VWA5A: variants seen among roughly 807,000 people sequenced by gnomAD.
The protein encoded by VWA5A is von Willebrand factor A domain containing 5A, also known as von Willebrand factor A domain-containing protein 5A.
In VWA5A, 77 loss-of-function variants were observed where a neutral mutation model predicts 84.6. That is an observed-to-expected ratio of 0.91 (90% CI 0.76 to 1.10). The LOEUF (loss-of-function observed/expected upper bound fraction) is 1.10, where lower values mean the gene tolerates loss of function less well. Among genes scored for constraint, VWA5A ranks in the 50% least tolerant of loss-of-function variants. The probability of loss-of-function intolerance (pLI) is 0.00; values close to 1 mark genes in which losing one functional copy is unlikely to be tolerated. For missense variants in VWA5A, 973 were observed against 963.0 expected, an observed-to-expected ratio of 1.01 and a Z score of -0.14; for synonymous variants, 334 against 350.1, an observed-to-expected ratio of 0.95 and a Z score of 0.51.
intron 6 of VWA5A, 22 bp from the exon 7 acceptor site, chr11:124,118,953 C>T (rs1355097656): frequency 2.5e-6 from 4 of 1,610,188 alleles, no homozygotes; most frequent in South Asian, 1.1e-5. Flanking sequence ...TAATGTGGCT[C>T]CTTTACCTGT....
At chr11:124,118,156 T>G in intron 4 of VWA5A, 33 bp from the exon 5 acceptor site, 1 of 1,600,550 alleles carries the variant, frequency 6.2e-7, no homozygotes, top group South Asian at 1.1e-5. Context: ...GGATGTTCCC[T>G]TTCTTTCCCA....
At chr11:124,136,011 T>C in intron 12 of VWA5A, 118 bp from the exon 13 acceptor site, 2 of 1,146,156 alleles carry the variant, frequency 1.7e-6, no homozygotes, top group Non-Finnish European at 2.5e-6. Flanking sequence ...AGAATAGTAT[T>C]GAGGAGTAGG....
At chr11:124,135,569 C>T (rs1221795936) in intron 12 of VWA5A, among the ~76,000 whole-genome samples, 3 of 114,620 alleles carry the variant, frequency 2.6e-5, no homozygotes, top group Non-Finnish European at 4.9e-5. Context: ...CTCGCTCTGT[C>T]GCCCAGGCTG....
chr11:124,124,202 C>A (rs1371440360), intron 10 of VWA5A, 35 bp from the exon 11 acceptor site: 2 of 1,601,334 alleles, frequency 1.2e-6, no homozygotes, highest in Non-Finnish European at 1.7e-6. Flanking sequence ...AAGAACTTGA[C>A]AAAGACCTGA....
rs1860754005 is a variant in VWA5A at position 124,142,698 on chromosome 11, A to G, written c.2154+126A>G. Reference sequence around the variant, plus strand: ...GGGTCATAGACTAAATTAATTTGTAATAAATAGAGGCTGAAGGTTTTTCCA... The same window carrying G: ...GGGTCATAGACTAAATTAATTTGTAGTAAATAGAGGCTGAAGGTTTTTCCA... On this transcript the variant is annotated intron_variant, in intron 17 of 18. Transcript: ENST00000456829. 3.1e-6 allele frequency: 4 copies of G among 1,280,516 alleles called. No individual in the cohort carries two copies. In the African/African-American group the frequency reaches 4.5e-5, roughly 14 times the overall value. 79.3% of individuals were successfully genotyped at this position (1,280,516 alleles called of 1,614,324 possible). A position where few individuals can be genotyped will look rare whatever the true frequency, so the allele number is the denominator to read the frequency against.
chr11:124,128,087 C>T (rs187289142), intron 11 of VWA5A, among the ~76,000 whole-genome samples: 12 of 152,224 alleles, frequency 7.9e-5, no homozygotes, highest in African/African-American at 2.4e-4. Context: ...AGTATTTGCC[C>T]ATGCCTATGT....
At position 124,123,804 on chromosome 11, in the gene VWA5A, G is replaced by C; in HGVS notation, c.1164G>C (p.Gln388His). ...RGPSIPGHPL[Q>H]LFVFTDGEVT... ...CCTCCATCCCAGGCCACCCCCTACA[G>C]GTAAGAAGTGGAACAGAGCTAACAG... Residue 388 changes from glutamine to histidine, a missense_variant and splice_region_variant, in exon 10 of 19, where the codon CAG becomes CAC. Gln to His is a conservative substitution (Grantham distance 24, BLOSUM62 0). Transcript: ENST00000456829. 2 of 1,561,616 alleles carry C rather than the reference G, an allele frequency of 1.3e-6. No homozygotes were observed. The highest frequency in any genetic ancestry group is 1.7e-6 in the Non-Finnish European group (2 of 1,160,010).
intron 11 of VWA5A, among the ~76,000 whole-genome samples, chr11:124,131,333 C>T (rs1171685238): frequency 1.3e-5 from 2 of 152,072 alleles, no homozygotes; most frequent in East Asian, 3.9e-4. Flanking sequence ...AAGATTTCAT[C>T]ATGCGACTCA....
chr11:124,138,284 A>G (rs1860655380), intron 15 of VWA5A, among the ~76,000 whole-genome samples: 1 of 151,842 alleles, frequency 6.6e-6, no homozygotes, highest in Admixed American at 6.6e-5. Context: ...GATATTACTG[A>G]TTTCTTTTCT....
chr11:124,134,203 C>T (rs12421483), intron 11 of VWA5A, among the ~76,000 whole-genome samples: 4,347 of 152,234 alleles, frequency 0.029, 130 homozygotes, highest in African/African-American at 0.077. Context: ...GTCTTACAAG[C>T]GTAGAGCATT....
intron 11 of VWA5A, among the ~76,000 whole-genome samples, chr11:124,134,661 T>C (rs1287733817): frequency 3.9e-5 from 6 of 152,200 alleles, no homozygotes; most frequent in African/African-American, 1.4e-4. Flanking sequence ...ATTTCTTAAA[T>C]TTCCTGGGCC....
At chr11:124,142,047 G>A (rs1004540890) in intron 16 of VWA5A, among the ~76,000 whole-genome samples, 3 of 152,292 alleles carry the variant, frequency 2.0e-5, no homozygotes, top group African/African-American at 4.8e-5. Context: ...CTGGGCAGAA[G>A]GTCAGATTTG....
chr11:124,125,449 A>T (rs960606819), intron 11 of VWA5A, among the ~76,000 whole-genome samples: 2 of 151,818 alleles, frequency 1.3e-5, no homozygotes, highest in African/African-American at 4.8e-5. Context: ...CGCCCAGCTA[A>T]TTTTTTTGTA....
intron 15 of VWA5A, among the ~76,000 whole-genome samples, chr11:124,138,107 T>C (rs1390343199): frequency 1.3e-5 from 2 of 152,226 alleles, no homozygotes; most frequent in African/African-American, 4.8e-5. Context: ...CATAATGTTC[T>C]CCAAGTTCAT....
intron 11 of VWA5A, among the ~76,000 whole-genome samples, chr11:124,129,285 T>C (rs1378788138): frequency 2.0e-5 from 3 of 152,246 alleles, no homozygotes; most frequent in African/African-American, 7.2e-5. Flanking sequence ...TTACATTTAT[T>C]GATTTGCATA....
intron 13 of VWA5A, 32 bp downstream of exon 13, chr11:124,136,325 C>T: frequency 6.2e-7 from 1 of 1,600,406 alleles, no homozygotes; most frequent in Non-Finnish European, 8.5e-7. Context: ...TTCCTCTAGT[C>T]AAAGAGCTAC....
At chr11:124,122,172 A>T (rs1864942010) in intron 7 of VWA5A, among the ~76,000 whole-genome samples, 1 of 152,232 alleles carries the variant, frequency 6.6e-6, no homozygotes, top group African/African-American at 2.4e-5. Context: ...ATTTAATTAT[A>T]TAGCCTCTTA....
chr11:124,123,771 C>A lies in VWA5A; in HGVS notation c.1131C>A (p.Tyr377Ter), dbSNP rs377683625. ...TEILAPLQNI[Y>*]RGPSIPGHPL... is the part of the protein sequence containing the mutation. ...TCTTGGCACCACTCCAGAACATTTACAGGGGACCCTCCATCCCAGGCCACC... is the reference window on the plus strand; with the variant it reads ...TCTTGGCACCACTCCAGAACATTTAAAGGGGACCCTCCATCCCAGGCCACC... Residue 377 changes from tyrosine (Y) to a stop codon, truncating the protein, a stop_gained, in exon 10 of 19, where the codon TAC (tyrosine) becomes TAA (stop). Coordinates refer to ENST00000456829, the MANE Select transcript of VWA5A (RefSeq NM_001130142.2). LOFTEE classifies it high-confidence loss of function. The A allele has an allele frequency of 1.2e-5, 20 of 1,600,016 alleles. No individual in the cohort carries two copies. The highest frequency in any genetic ancestry group is 1.6e-5 in the Non-Finnish European group (19 of 1,174,426).
At chr11:124,137,344 G>C in intron 15 of VWA5A, 76 bp downstream of exon 15, 5 of 1,530,632 alleles carry the variant, frequency 3.3e-6, no homozygotes, top group Non-Finnish European at 3.5e-6. Flanking sequence ...TTAAAGGAAA[G>C]GGCTGTGAAA....
Sources: allele counts gnomAD v4.1 joint callset (sites outside exome capture counted in the v4.1 genomes callset), GRCh38; gene constraint gnomAD v4.1.1; transcripts MANE v1.5; gene names NCBI Gene and HGNC (gene_info 2026-07-23, HGNC 2026-07-21).